CPXM2: variants seen among roughly 807,000 people sequenced by gnomAD.
CPXM2 encodes carboxypeptidase X, M14 family member 2.
CPXM2 carries 66 observed loss-of-function variants against 86.1 expected under a neutral mutation model. The observed-to-expected ratio is 0.77, with a 90% CI of 0.63 to 0.94. The LOEUF is 0.94. Ranked by LOEUF, CPXM2 falls within the 40% of genes least tolerant of loss-of-function variation. The pLI is 0.00. For synonymous variants in CPXM2, 388 were observed against 400.2 expected, an observed-to-expected ratio of 0.97 and a Z score of 0.36; for missense variants, 948 against 1,026.3, an observed-to-expected ratio of 0.92 and a Z score of 1.04.
At chr10:123,750,103 G>A (rs926313116) in intron 13 of CPXM2, 1 of 983,712 alleles carries the variant, frequency 1.0e-6, no homozygotes, top group Non-Finnish European at 1.2e-6. Context: ...ACAGGCATGA[G>A]CCACCATGCC....
At chr10:123,788,718 C>A (rs1047649189) in intron 6 of CPXM2, among the ~76,000 whole-genome samples, 1 of 152,184 alleles carries the variant, frequency 6.6e-6, no homozygotes, top group Non-Finnish European at 1.5e-5. Context: ...GAGCAGGGAA[C>A]CTGCTCTTCA....
intron 6 of CPXM2, among the ~76,000 whole-genome samples, chr10:123,796,359 C>A (rs1319126617): frequency 6.6e-6 from 1 of 152,188 alleles, no homozygotes. Context: ...ACTGAACTTC[C>A]AACCGTCTGA....
At chr10:123,750,275 AG>A in intron 13 of CPXM2, 1 of 985,426 alleles carries the variant, frequency 1.0e-6, no homozygotes, top group Non-Finnish European at 1.2e-6. Flanking sequence ...CACCCCATTC[AG>A]ATAAGGGCTC....
chr10:123,912,103 C>T (rs1945493645), intron 2 of CPXM2, among the ~76,000 whole-genome samples: 1 of 152,062 alleles, frequency 6.6e-6, no homozygotes, highest in Non-Finnish European at 1.5e-5. Context: ...CTTCCAGGAT[C>T]TTGCATTCCC....
chr10:123,848,782 T>C (rs1164468765), intron 3 of CPXM2, among the ~76,000 whole-genome samples: 2 of 152,208 alleles, frequency 1.3e-5, no homozygotes, highest in African/African-American at 2.4e-5. Context: ...CCTTCAGAAA[T>C]GCATGCAGGT....
intron 7 of CPXM2, among the ~76,000 whole-genome samples, chr10:123,779,838 T>C (rs1282394750): frequency 1.3e-5 from 2 of 152,148 alleles, no homozygotes; most frequent in Admixed American, 1.3e-4. Flanking sequence ...CCTAGATCCT[T>C]TTTCTTCTTC....
chr10:123,943,206 G>A (rs1273617884), upstream of CPXM2, among the ~76,000 whole-genome samples: 3 of 152,196 alleles, frequency 2.0e-5, no homozygotes, highest in Non-Finnish European at 4.4e-5. Context: ...CCTTTGAACT[G>A]GTCGTACCAT....
At chr10:123,779,533 T>C (rs1432942144) in intron 7 of CPXM2, among the ~76,000 whole-genome samples, 1 of 152,210 alleles carries the variant, frequency 6.6e-6, no homozygotes, top group East Asian at 1.9e-4. Flanking sequence ...GATTTAAAAA[T>C]CTGGATCCCC....
At chr10:123,929,630 C>T (rs981346191) in intron 2 of CPXM2, among the ~76,000 whole-genome samples, 9 of 152,164 alleles carry the variant, frequency 5.9e-5, no homozygotes, top group Admixed American at 2.0e-4. Flanking sequence ...CTCATTTCTG[C>T]TTCTCCCCAC....
chr10:123,858,294 T>C (rs1848784433), intron 3 of CPXM2, among the ~76,000 whole-genome samples: 1 of 152,200 alleles, frequency 6.6e-6, no homozygotes, highest in South Asian at 2.1e-4. Flanking sequence ...AGCGCATCCA[T>C]ATGTGCAGAC....
chr10:123,821,287 A>C (rs1847918494), intron 4 of CPXM2, among the ~76,000 whole-genome samples: 1 of 152,214 alleles, frequency 6.6e-6, no homozygotes, highest in African/African-American at 2.4e-5. Flanking sequence ...TTGACAAATC[A>C]ATGTTTGACT....
intron 4 of CPXM2, among the ~76,000 whole-genome samples, chr10:123,839,174 G>A (rs758371115): frequency 3.9e-5 from 6 of 152,054 alleles, no homozygotes; most frequent in Non-Finnish European, 7.4e-5. Context: ...CCCTCACCAC[G>A]TCTTTATGAG....
At chr10:123,892,029 G>A (rs1323285585), upstream of CPXM2, 2 of 152,134 alleles carry the variant, frequency 1.3e-5, no homozygotes, top group East Asian at 1.9e-4. Flanking sequence ...TGCTTCCCCA[G>A]AGACGCTAAT....
At chr10:123,822,576 C>T (rs2134115088) in intron 4 of CPXM2, among the ~76,000 whole-genome samples, 1 of 152,036 alleles carries the variant, frequency 6.6e-6, no homozygotes, top group African/African-American at 2.4e-5. Flanking sequence ...GGAGGCACTT[C>T]TCGGGAGGTG....
intron 2 of CPXM2, among the ~76,000 whole-genome samples, chr10:123,926,719 G>A (rs1341281309): frequency 2.6e-5 from 4 of 152,178 alleles, no homozygotes; most frequent in Non-Finnish European, 4.4e-5. Context: ...TGTCCAGAGT[G>A]CAGCAGCCAT....
At chr10:123,911,557 T>G (rs1945488241) in intron 2 of CPXM2, among the ~76,000 whole-genome samples, 1 of 151,654 alleles carries the variant, frequency 6.6e-6, no homozygotes, top group Non-Finnish European at 1.5e-5. Context: ...CGCACCAACC[T>G]AATAGCCAGG....
Position 123,839,630 on chromosome 10 carries a change from G to A in CPXM2, c.653+2719C>T, listed in dbSNP as rs555207017. ...ATGATACCATAGCCATCTGTACTGG[G>A]AGCAGTGTGGGGACAGGTCATGGCA... On this transcript the variant is annotated intron_variant, in intron 4 of 13. Transcript: ENST00000241305. 5.9e-5 allele frequency among the ~76,000 whole-genome samples: 9 copies of A among 152,278 alleles called. 1 individual carries two copies. Among genetic ancestry groups the A allele is most frequent in the Admixed American group, 2.0e-4 (3 of 15,298 alleles).
intron 10 of CPXM2, among the ~76,000 whole-genome samples, chr10:123,763,927 T>C (rs1207249854): frequency 2.0e-5 from 3 of 152,204 alleles, no homozygotes; most frequent in Non-Finnish European, 4.4e-5. Context: ...ATTATGCCAG[T>C]GTATACTCAC....
chr10:123,836,043 C>T (rs539602647), intron 4 of CPXM2, among the ~76,000 whole-genome samples: 191 of 152,272 alleles, frequency 1.3e-3, no homozygotes, highest in Non-Finnish European at 2.4e-4. Context: ...CCTTCCTTTC[C>T]GCTTCTGCTA....
Sources: allele counts gnomAD v4.1 joint callset (sites outside exome capture counted in the v4.1 genomes callset), GRCh38; gene constraint gnomAD v4.1.1; transcripts MANE v1.5; gene names NCBI Gene and HGNC (gene_info 2026-07-23, HGNC 2026-07-21).